Variants in TIAM1 observed in about 807,000 individuals in gnomAD.
The protein encoded by TIAM1 is rho guanine nucleotide exchange factor TIAM1.
TIAM1 carries 65 observed loss-of-function variants against 163.5 expected under a neutral mutation model. The ratio of observed to expected loss-of-function variants is 0.40; its 90% CI spans 0.33 to 0.49. The LOEUF (loss-of-function observed/expected upper bound fraction) is 0.49, where lower values mean the gene tolerates loss of function less well. Among genes scored for constraint, TIAM1 ranks in the 20% least tolerant of loss-of-function variants. The pLI is 0.77. For synonymous variants in TIAM1, 833 were observed against 810.1 expected (o/e 1.03, Z -0.48); for missense variants, 1,789 against 2,044.7 (o/e 0.87, Z 2.41).
chr21:31,508,261 T>C (rs771555127), intron 1 of TIAM1, among the ~76,000 whole-genome samples: 6 of 152,184 alleles, frequency 3.9e-5, no homozygotes, highest in Non-Finnish European at 8.8e-5. Flanking sequence ...TGGTACTCTG[T>C]TAGCACAGCC....
At chr21:31,171,965 T>A (rs568196218) in intron 15 of TIAM1, among the ~76,000 whole-genome samples, 2 of 152,296 alleles carry the variant, frequency 1.3e-5, no homozygotes, top group African/African-American at 2.4e-5. Flanking sequence ...CAGAGTCACA[T>A]GAGTGACTCC....
At chr21:31,516,116 A>G (rs1026672227) in intron 1 of TIAM1, among the ~76,000 whole-genome samples, 1 of 146,054 alleles carries the variant, frequency 6.8e-6, no homozygotes, top group African/African-American at 2.6e-5. Flanking sequence ...TCAAAAAAAA[A>G]AAAAAAAAAT....
intron 2 of TIAM1, among the ~76,000 whole-genome samples, chr21:31,450,395 T>C (rs575687344): frequency 6.6e-6 from 1 of 152,232 alleles, no homozygotes; most frequent in Admixed American, 6.5e-5. Context: ...GCTCTATTGT[T>C]AGGAAGTGTC....
intron 4 of TIAM1, among the ~76,000 whole-genome samples, chr21:31,253,574 A>G (rs1039769500): frequency 6.6e-6 from 1 of 152,172 alleles, no homozygotes; most frequent in Non-Finnish European, 1.5e-5. Flanking sequence ...ACTAAAAGAG[A>G]TGTATAGCAA....
At chr21:31,396,240 C>T (rs1286917048) in intron 2 of TIAM1, among the ~76,000 whole-genome samples, 1 of 152,248 alleles carries the variant, frequency 6.6e-6, no homozygotes, top group East Asian at 1.9e-4. Context: ...AAGAACCTCG[C>T]TCCTGCAGGT....
chr21:31,237,757 A>G (rs2070971001), intron 6 of TIAM1, among the ~76,000 whole-genome samples: 1 of 152,202 alleles, frequency 6.6e-6, no homozygotes, highest in Non-Finnish European at 1.5e-5. Flanking sequence ...TTTGCCTGGT[A>G]GCTGTGTTCC....
chr21:31,170,579 T>C (rs2084453316), intron 15 of TIAM1, among the ~76,000 whole-genome samples: 1 of 152,032 alleles, frequency 6.6e-6, no homozygotes, highest in African/African-American at 2.4e-5. Context: ...TCAAAACATA[T>C]TATAAAATTA....
intron 2 of TIAM1, among the ~76,000 whole-genome samples, chr21:31,309,548 A>G (rs1311941111): frequency 6.6e-6 from 1 of 152,238 alleles, no homozygotes; most frequent in Non-Finnish European, 1.5e-5. Flanking sequence ...ATTGGGAAAA[A>G]AATCTTTCAG....
intron 6 of TIAM1, among the ~76,000 whole-genome samples, chr21:31,239,737 C>T (rs1488696114): frequency 2.0e-5 from 3 of 152,088 alleles, no homozygotes; most frequent in African/African-American, 7.2e-5. Context: ...AAAATAAGCA[C>T]TTCACAAAAG....
At chr21:31,261,262 C>CTTTTTTTTTTTTTT (rs397792273) in intron 4 of TIAM1, among the ~76,000 whole-genome samples, 1 of 136,884 alleles carries the variant, frequency 7.3e-6, no homozygotes, top group Non-Finnish European at 1.5e-5. Context: ...CAGCCAAGTC[C>CTTTTTTTTTTTTTT]TTTTTTTTTT....
intron 1 of TIAM1, among the ~76,000 whole-genome samples, chr21:31,469,796 C>G (rs1167215296): frequency 6.6e-6 from 1 of 151,786 alleles, no homozygotes; most frequent in African/African-American, 2.4e-5. Context: ...CGCGCCACTG[C>G]CCTCCAGCCT....
chr21:31,408,622 A>G (rs2077289663), intron 2 of TIAM1, among the ~76,000 whole-genome samples: 3 of 152,184 alleles, frequency 2.0e-5, no homozygotes. Context: ...CCTTCCCACA[A>G]CTTAGAAAAT....
Position 31,243,209 on chromosome 21 carries a change from A to AAAT in TIAM1, c.1584+2278_1584+2279insATT, listed in dbSNP as rs59419171. Among the ~76,000 whole-genome samples the AAAT allele has an allele frequency of 4.4e-4, 52 of 117,280 alleles. 1 individual carries two copies. The highest frequency in any genetic ancestry group is 1.3e-3 in the African/African-American group (36 of 26,840). 76.9% of individuals were successfully genotyped at this position (117,280 alleles called of 152,430 possible). On this transcript the variant is annotated intron_variant, in intron 6 of 27. Transcript: ENST00000541036. ...CTTCATCTCAAAAAAAAAAAAAAAA[A>AAAT]ATATATATATATATATGTATATTTC...
intron 1 of TIAM1, among the ~76,000 whole-genome samples, chr21:31,537,968 A>C (rs1031007932): frequency 5.9e-5 from 9 of 152,236 alleles, no homozygotes; most frequent in Non-Finnish European, 1.2e-4. Flanking sequence ...TCTCACAAAC[A>C]TAACAGTGAA....
At chr21:31,497,751 A>G (rs927500583) in intron 1 of TIAM1, among the ~76,000 whole-genome samples, 1 of 152,252 alleles carries the variant, frequency 6.6e-6, no homozygotes, top group Non-Finnish European at 1.5e-5. Context: ...GAGACACATA[A>G]GAAATCAGCT....
At chr21:31,506,352 A>G (rs557364111) in intron 1 of TIAM1, among the ~76,000 whole-genome samples, 2 of 151,254 alleles carry the variant, frequency 1.3e-5, no homozygotes, top group Admixed American at 6.6e-5. Flanking sequence ...ATACCATAAC[A>G]TCTATCATCT....
chr21:31,302,745 A>G (rs2074552745), intron 2 of TIAM1, among the ~76,000 whole-genome samples: 1 of 152,230 alleles, frequency 6.6e-6, no homozygotes, highest in Non-Finnish European at 1.5e-5. Context: ...TATTTCACAC[A>G]GATTCTGGTA....
chr21:31,440,894 A>G (rs1169165590), intron 2 of TIAM1, among the ~76,000 whole-genome samples: 1 of 152,218 alleles, frequency 6.6e-6, no homozygotes, highest in African/African-American at 2.4e-5. Context: ...AAAGAAAAAA[A>G]GACAAATGAA....
At chr21:31,509,949 C>G (rs879122102) in intron 1 of TIAM1, among the ~76,000 whole-genome samples, 2 of 152,192 alleles carry the variant, frequency 1.3e-5, no homozygotes, top group Admixed American at 6.5e-5. Flanking sequence ...GCAGAAAAGA[C>G]ATGAAAATCA....
Sources: gnomAD v4.1 joint callset for allele counts (sites outside exome capture counted in the v4.1 genomes callset) on GRCh38, gnomAD v4.1.1 for gene constraint, MANE v1.5 for transcripts, NCBI Gene and HGNC (gene_info 2026-07-23, HGNC 2026-07-21) for gene names.